Variants in UBAC2 observed in about 807,000 individuals in gnomAD.
UBAC2 encodes UBA domain containing 2.
UBAC2 carries 26 observed loss-of-function variants against 44.0 expected under a neutral mutation model. The observed-to-expected ratio is 0.59, with a 90% CI of 0.43 to 0.82. UBAC2 has a LOEUF of 0.82. Ranked by LOEUF, UBAC2 falls within the 40% of genes least tolerant of loss-of-function variation. The probability of loss-of-function intolerance (pLI) is 0.00; values close to 1 mark genes in which losing one functional copy is unlikely to be tolerated. For synonymous variants in UBAC2, 155 were observed against 154.3 expected (o/e 1.00, Z -0.04); for missense variants, 329 against 419.4 (o/e 0.78, Z 1.88).
At chr13:99,331,408 T>C (rs1010127579) in intron 6 of UBAC2, among the ~76,000 whole-genome samples, 1 of 152,242 alleles carries the variant, frequency 6.6e-6, no homozygotes, top group Admixed American at 6.5e-5. Context: ...CTAGAGCAGG[T>C]TTCTAAGACA....
chr13:99,217,714 G>C (rs182235571), intron 1 of UBAC2, among the ~76,000 whole-genome samples: 1 of 152,166 alleles, frequency 6.6e-6, no homozygotes, highest in Admixed American at 6.5e-5. Context: ...TGGAGGTTGT[G>C]GGGGGCAGGT....
At chr13:99,385,088 G>A (rs1280825096) in intron 8 of UBAC2, 140 bp from the exon 9 acceptor site, 1 of 637,170 alleles carries the variant, frequency 1.6e-6, no homozygotes, top group African/African-American at 1.8e-5. Flanking sequence ...TTAAGTATCA[G>A]ATTCCATATT....
chr13:99,370,825 C>T (rs2045396010), intron 8 of UBAC2, among the ~76,000 whole-genome samples: 1 of 152,196 alleles, frequency 6.6e-6, no homozygotes, highest in South Asian at 2.1e-4. Context: ...AGTATGGAGC[C>T]ACAGTTTTCC....
chr13:99,250,755 CT>C (rs140189830), intron 4 of UBAC2, among the ~76,000 whole-genome samples: 20,632 of 150,380 alleles, frequency 0.14, 1,627 homozygotes, highest in East Asian at 0.32. Flanking sequence ...TTTCTTTTTT[CT>C]TTTTTTTTGA....
intron 7 of UBAC2, among the ~76,000 whole-genome samples, chr13:99,357,651 A>G (rs1371595188): frequency 1.3e-5 from 2 of 152,230 alleles, no homozygotes; most frequent in African/African-American, 4.8e-5. Context: ...CCAGTTTCCC[A>G]GCATTGCTTC....
intron 7 of UBAC2, among the ~76,000 whole-genome samples, chr13:99,361,913 T>C (rs1305773664): frequency 1.3e-5 from 2 of 152,192 alleles, no homozygotes; most frequent in African/African-American, 2.4e-5. Context: ...GGAAGATTGC[T>C]TGGGTCCGGG....
In UBAC2 at chr13:99,279,888, G is replaced by A. The variant is rs536324204; in HGVS notation, c.390-34209G>A. Among the ~76,000 whole-genome samples, 10 of 152,326 alleles carry A rather than the reference G, an allele frequency of 6.6e-5. No individual in the cohort carries two copies. The South Asian group carries it at 1.9e-3, about 28-fold the overall frequency. On this transcript the variant is annotated intron_variant, in intron 4 of 8. Coordinates refer to ENST00000403766, the MANE Select transcript of UBAC2 (RefSeq NM_001144072.2). Reference sequence around the variant, plus strand: ...ACCTCCTAAGAGCATCACACTGGGGGTTAGGATTTTAACATGTGAATTTGG... The same window carrying A: ...ACCTCCTAAGAGCATCACACTGGGGATTAGGATTTTAACATGTGAATTTGG...
chr13:99,312,404 G>A (rs1368367658), intron 4 of UBAC2, among the ~76,000 whole-genome samples: 1 of 152,186 alleles, frequency 6.6e-6, no homozygotes, highest in Non-Finnish European at 1.5e-5. Context: ...TGGAAAACAG[G>A]TGCAAGCTTG....
chr13:99,314,249 T>C, intron 5 of UBAC2, 29 bp downstream of exon 5: 2 of 1,558,898 alleles, frequency 1.3e-6, no homozygotes, highest in African/African-American at 1.4e-5. Context: ...TGTTCACTTT[T>C]CTTTAACCAG....
chr13:99,334,904 C>CAA (rs140099208), intron 6 of UBAC2, among the ~76,000 whole-genome samples: 1 of 151,800 alleles, frequency 6.6e-6, no homozygotes, highest in Non-Finnish European at 1.5e-5. Flanking sequence ...TACAAAGACA[C>CAA]AAAAAAAGCC....
intron 4 of UBAC2, among the ~76,000 whole-genome samples, chr13:99,296,338 G>T (rs993764876): frequency 6.6e-6 from 1 of 151,982 alleles, no homozygotes; most frequent in African/African-American, 2.4e-5. Flanking sequence ...TTATAATATG[G>T]TTACATATAT....
At chr13:99,362,592 T>C (rs927596083) in intron 7 of UBAC2, among the ~76,000 whole-genome samples, 1 of 152,250 alleles carries the variant, frequency 6.6e-6, no homozygotes, top group Non-Finnish European at 1.5e-5. Context: ...TGCCTTTCCC[T>C]AACACTAGTG....
intron 4 of UBAC2, among the ~76,000 whole-genome samples, chr13:99,297,269 T>G (rs1019219853): frequency 2.0e-5 from 3 of 152,186 alleles, no homozygotes; most frequent in African/African-American, 4.8e-5. Context: ...GTGTGATTAT[T>G]TTTAAAAGAA....
intron 4 of UBAC2, among the ~76,000 whole-genome samples, chr13:99,256,975 G>A (rs1469151302): frequency 2.0e-5 from 3 of 152,128 alleles, no homozygotes; most frequent in African/African-American, 7.2e-5. Flanking sequence ...AAACTATGGG[G>A]GAGATTTGCT....
At chr13:99,230,788 C>T (rs1210042592) in intron 1 of UBAC2, among the ~76,000 whole-genome samples, 3 of 152,232 alleles carry the variant, frequency 2.0e-5, no homozygotes, top group Middle Eastern at 3.4e-3. Flanking sequence ...CAGCGGCTCA[C>T]GCTTGTAATC....
At chr13:99,260,464 ACT>A (rs1381770442) in intron 4 of UBAC2, among the ~76,000 whole-genome samples, 3 of 152,192 alleles carry the variant, frequency 2.0e-5, no homozygotes, top group Non-Finnish European at 4.4e-5. Flanking sequence ...AGGCAGGGAC[ACT>A]TTGACCAGCT....
intron 1 of UBAC2, among the ~76,000 whole-genome samples, chr13:99,236,437 A>G (rs1034983141): frequency 1.3e-5 from 2 of 152,240 alleles, no homozygotes; most frequent in African/African-American, 4.8e-5. Flanking sequence ...AAGACATACA[A>G]ATGGCCAACA....
intron 4 of UBAC2, among the ~76,000 whole-genome samples, chr13:99,286,627 T>G (rs1164926582): frequency 6.6e-6 from 1 of 152,140 alleles, no homozygotes; most frequent in African/African-American, 2.4e-5. Flanking sequence ...GTACCCCATA[T>G]GTGGCTTTTC....
chr13:99,241,726 C>CTT (rs34012077), intron 2 of UBAC2, among the ~76,000 whole-genome samples: 33,818 of 140,364 alleles, frequency 0.24, 4,923 homozygotes, highest in Non-Finnish European at 0.33. Context: ...AAAATTTTAA[C>CTT]TTTTTTTTTT....
Sources: allele counts gnomAD v4.1 joint callset (sites outside exome capture counted in the v4.1 genomes callset), GRCh38; gene constraint gnomAD v4.1.1; transcripts MANE v1.5; gene names NCBI Gene and HGNC (gene_info 2026-07-23, HGNC 2026-07-21).